GRWD1: variants seen among roughly 807,000 people sequenced by gnomAD.
The protein encoded by GRWD1 is glutamate rich WD repeat containing 1.
GRWD1 carries 29 observed loss-of-function variants against 45.3 expected under a neutral mutation model. The observed-to-expected ratio is 0.64, with a 90% CI of 0.48 to 0.87. GRWD1 has a LOEUF of 0.87. Among genes scored for constraint, GRWD1 ranks in the 40% least tolerant of loss-of-function variants. The probability of loss-of-function intolerance (pLI) is 0.00; values close to 1 mark genes in which losing one functional copy is unlikely to be tolerated. For missense variants in GRWD1, 592 were observed against 618.8 expected (o/e 0.96, Z 0.46); for synonymous variants, 262 against 257.6 (o/e 1.02, Z -0.16).
chr19:48,446,997 C>T (rs1249586398), intron 3 of GRWD1, among the ~76,000 whole-genome samples, 154 bp downstream of exon 3: 5 of 143,122 alleles, frequency 3.5e-5, no homozygotes, highest in Admixed American at 1.5e-4. Flanking sequence ...AGTGCAGTGG[C>T]GCAGCCTCGG....
At position 48,450,564 on chromosome 19, in the gene GRWD1, G is replaced by C; in HGVS notation, c.682+38G>C. 1 of 1,611,756 alleles carries C rather than the reference G, an allele frequency of 6.2e-7. No homozygotes were observed. Among genetic ancestry groups the C allele is most frequent in the African/African-American group, 1.3e-5 (1 of 74,976 alleles). The stretch of plus-strand genomic sequence containing the variant: ...GGTGTTCAGGAGTCCCGGGAGGTCG[G>C]GGGAGCAGGGTCTGCAACAAGGGGC... On this transcript the variant is annotated intron_variant, in intron 4 of 6. Coordinates refer to ENST00000253237, the MANE Select transcript of GRWD1 (RefSeq NM_031485.4). The surrounding 1 kb of genome is among the most constrained non-coding windows in gnomAD (Gnocchi z 5.1).
rs1408061609 is a variant in GRWD1 at position 48,450,988 on chromosome 19, T to G, written c.826-46T>G. ...CCCACCGCTGGCGCTTGGGCTTCAC[T>G]GCGGGCTGGGGGGCATTGGGACCAC... On this transcript the variant is annotated intron_variant, in intron 5 of 6. Transcript: ENST00000253237. This position sits in a 1 kb window ranked among gnomAD's most constrained non-coding sequence, Gnocchi z 5.1. The G allele has an allele frequency of 1.9e-6, 3 of 1,582,412 alleles. No individual in the cohort carries two copies. The highest frequency in any genetic ancestry group is 1.7e-6 in the Non-Finnish European group (2 of 1,159,252).
rs977113334 is a variant in GRWD1 at position 48,450,694 on chromosome 19, G to A, written c.711G>A (p.Lys237=). 6.2e-7 allele frequency: 1 copy of A among 1,614,018 alleles called. No homozygotes were observed. The highest frequency in any genetic ancestry group is 1.3e-5 in the African/African-American group (1 of 75,046). The change falls in exon 5 of 7, where the codon AAG becomes AAA. Residue 237 remains lysine (K), a synonymous_variant. Coordinates refer to ENST00000253237, the MANE Select transcript of GRWD1 (RefSeq NM_031485.4). The surrounding 1 kb of genome is among the most constrained non-coding windows in gnomAD (Gnocchi z 5.1). ...TGRLLTGDCQ[K]NIHLWTPTDG... is the part of the protein sequence containing the mutation. Reference sequence around the variant, plus strand: ...GCCTGCTGACCGGTGACTGTCAAAAGAACATCCACCTCTGGACACCTACGG... The same window carrying A: ...GCCTGCTGACCGGTGACTGTCAAAAAAACATCCACCTCTGGACACCTACGG...
chr19:48,450,283 C>G lies in GRWD1; in HGVS notation c.469-30C>G. The G allele has an allele frequency of 6.3e-7, 1 of 1,575,418 alleles. No individual in the cohort carries two copies. Among genetic ancestry groups the G allele is most frequent in the South Asian group, 1.1e-5 (1 of 88,650 alleles). On this transcript the variant is annotated intron_variant, in intron 3 of 6. Coordinates refer to ENST00000253237, the MANE Select transcript of GRWD1 (RefSeq NM_031485.4). This position sits in a 1 kb window ranked among gnomAD's most constrained non-coding sequence, Gnocchi z 5.1. The stretch of plus-strand genomic sequence containing the variant: ...TTGATCCTCCTCTCCCCTCGCTTCA[C>G]ATCACCCTTCCCCCACCGCTCTTCT...
At chr19:48,447,322 C>T (rs1400629850) in intron 3 of GRWD1, among the ~76,000 whole-genome samples, 1 of 152,120 alleles carries the variant, frequency 6.6e-6, no homozygotes, top group African/African-American at 2.4e-5. Flanking sequence ...TCTCAGCTCA[C>T]TGCAACCTCT....
Position 48,450,178 on chromosome 19 carries a change from GA to G in GRWD1, c.469-134del. On this transcript the variant is annotated intron_variant, in intron 3 of 6. Transcript: ENST00000253237. The surrounding 1 kb of genome is among the most constrained non-coding windows in gnomAD (Gnocchi z 5.1). ...ATTTTCTTCCCACAGAGGTTTCAAG[GA>G]GCTGTAGTCCCAGGCCTGGGAGATC... The G allele has an allele frequency of 1.5e-6, 1 of 686,466 alleles. No homozygotes were observed. Among genetic ancestry groups the G allele is most frequent in the Non-Finnish European group, 2.5e-6 (1 of 395,232 alleles). The allele number at this position is 686,466 out of a possible 1,614,324, so 42.5% of individuals were successfully genotyped here. A position where few individuals can be genotyped will look rare whatever the true frequency, so the allele number is the denominator to read the frequency against.
In GRWD1 at chr19:48,452,702, C is replaced by T. The variant is rs200688773; in HGVS notation, c.1024-6C>T. On this transcript the variant is annotated splice_polypyrimidine_tract_variant and splice_region_variant and intron_variant, in intron 6 of 6. Transcript: ENST00000253237. The surrounding 1 kb of genome is among the most constrained non-coding windows in gnomAD (Gnocchi z 5.1). Reference sequence around the variant, plus strand: ...AGAGCCCGTTCCTCCCATCCTCTCCCTCTAGTCTGGTTCCCCAGTGGCCAC... The same window carrying T: ...AGAGCCCGTTCCTCCCATCCTCTCCTTCTAGTCTGGTTCCCCAGTGGCCAC... 8.0e-5 allele frequency: 125 copies of T among 1,558,344 alleles called. No individual in the cohort carries two copies. Among genetic ancestry groups the T allele is most frequent in the Middle Eastern group, 3.5e-4 (2 of 5,796 alleles).
In GRWD1 at chr19:48,446,047, G is replaced by A. The variant is rs1249590005; in HGVS notation, c.42G>A (p.Gly14=). 3.8e-6 allele frequency: 6 copies of A among 1,597,316 alleles called. No individual in the cohort carries two copies. The highest frequency in any genetic ancestry group is 5.1e-6 in the Non-Finnish European group (6 of 1,173,484). The change falls in exon 1 of 7, where the codon GGG becomes GGA. Residue 14 remains glycine, a synonymous_variant. Coordinates refer to ENST00000253237, the MANE Select transcript of GRWD1 (RefSeq NM_031485.4). ...RKGRRRTCET[G]EPMEAESGDT... Reference sequence around the variant, plus strand: ...GTCGGCGGCGCACGTGTGAAACCGGGGAACCCATGGAAGCCGAGTCCGGCG... The same window carrying A: ...GTCGGCGGCGCACGTGTGAAACCGGAGAACCCATGGAAGCCGAGTCCGGCG...
rs1274922675 is a variant in GRWD1 at position 48,451,228 on chromosome 19, C to G, written c.1020C>G (p.Phe340Leu). Residue 340 changes from phenylalanine (F) to leucine (L), a missense_variant, in exon 6 of 7, where the codon TTC becomes TTG. By Grantham distance (22) the Phe-to-Leu change is conservative (BLOSUM62 0). Transcript: ENST00000253237. ...GALKIWDLRQ[F>L]KSGSPVATFK... is the part of the protein sequence containing the mutation. ...TCAAGATCTGGGACCTTCGGCAGTT[C>G]AAGGTATTTTCCCAGCCGGACACCT... 6.3e-7 allele frequency: 1 copy of G among 1,581,174 alleles called. No homozygotes were observed. The highest frequency in any genetic ancestry group is 1.8e-5 in the Admixed American group (1 of 55,836).
rs1248930135 is a variant in GRWD1, at chr19:48,451,079, A to T, written c.871A>T (p.Ile291Phe). Residue 291 changes from isoleucine to phenylalanine, a missense_variant, in exon 6 of 7, where the codon ATC becomes TTC. Transcript: ENST00000253237. The stretch of plus-strand genomic sequence containing the variant: ...TGACGCCTCCATCCGCATCTGGGAC[A>T]TCCGGGCAGCCCCCAGCAAGGCCTG... ...SADASIRIWD[I>F]RAAPSKACML... 8 of 1,614,102 alleles carry T rather than the reference A, an allele frequency of 5.0e-6. No homozygotes were observed. Among genetic ancestry groups the T allele is most frequent in the Non-Finnish European group, 5.9e-6 (7 of 1,180,000 alleles).
Position 48,453,848 on chromosome 19 carries a change from C to A in GRWD1, c.*823C>A, listed in dbSNP as rs1162783727. ...CTGACTTTAGAGGCTGGTGCTGTGT[C>A]GGGAGGAAGGTCAGGGCTCCTGAGC... On this transcript the variant is annotated 3_prime_UTR_variant, in exon 7 of 7. Transcript: ENST00000253237. The A allele has an allele frequency of 6.6e-6, 1 of 152,036 alleles. No homozygotes were observed. Among genetic ancestry groups the A allele is most frequent in the Non-Finnish European group, 1.5e-5 (1 of 68,038 alleles). The allele number at this position is 152,036 out of a possible 1,614,324, so 9.4% of individuals were successfully genotyped here. A position where few individuals can be genotyped will look rare whatever the true frequency, so the allele number is the denominator to read the frequency against.
At position 48,453,114 on chromosome 19, in the gene GRWD1, C is replaced by CTA; in HGVS notation, c.*90_*91insAT. ...GAAGGGGTTCATTCAGGTCTGTTGACTGAGACTGGCCGGCCTGTGGGCTGC... is the reference window on the plus strand; with the variant it reads ...GAAGGGGTTCATTCAGGTCTGTTGACTATGAGACTGGCCGGCCTGTGGGCTGC... On this transcript the variant is annotated 3_prime_UTR_variant, in exon 7 of 7. Coordinates refer to ENST00000253237, the MANE Select transcript of GRWD1 (RefSeq NM_031485.4). 1 of 1,213,498 alleles carries CTA rather than the reference C, an allele frequency of 8.2e-7. No individual in the cohort carries two copies. Among genetic ancestry groups the CTA allele is most frequent in the South Asian group, 1.5e-5 (1 of 68,062 alleles). The allele number at this position is 1,213,498 out of a possible 1,614,324, so 75.2% of individuals were successfully genotyped here. A position where few individuals can be genotyped will look rare whatever the true frequency, so the allele number is the denominator to read the frequency against.
intron 2 of GRWD1, 37 bp from the exon 3 acceptor site, chr19:48,446,644 G>A: frequency 1.9e-6 from 3 of 1,555,740 alleles, no homozygotes; most frequent in East Asian, 2.4e-5. Context: ...AAGAATCCTG[G>A]AATCTAGTGC....
In GRWD1 at chr19:48,456,545, G is replaced by C. The variant is rs1162214523; in HGVS notation, c.*3520G>C. On this transcript the variant is annotated 3_prime_UTR_variant, in exon 7 of 7. Coordinates refer to ENST00000253237, the MANE Select transcript of GRWD1 (RefSeq NM_031485.4). ...GGGAAGCAGGTGCAGGGCTTTGGGA[G>C]ACCCAGTTGGTGCCAAACTTGACAT... is the stretch of plus-strand genomic sequence containing the variant. 4 of 152,234 alleles carry C rather than the reference G, an allele frequency of 2.6e-5. No homozygotes were observed. In the East Asian group the frequency reaches 7.7e-4, roughly 29 times the overall value. The allele number at this position is 152,234 out of a possible 1,614,324, so 9.4% of individuals were successfully genotyped here.
chr19:48,446,934 C>CTTTTT lies in GRWD1; in HGVS notation c.468+107_468+111dup, dbSNP rs752488198. On this transcript the variant is annotated intron_variant, in intron 3 of 6. Coordinates refer to ENST00000253237, the MANE Select transcript of GRWD1 (RefSeq NM_031485.4). ...ATAACTCCCAACACCTCCTCATGTTCTTTTTTTTTTTTTTTTTTTTGAGAC... is the reference window on the plus strand; with the variant it reads ...ATAACTCCCAACACCTCCTCATGTTCTTTTTTTTTTTTTTTTTTTTTTTTTGAGAC... 4.3e-5 allele frequency: 26 copies of CTTTTT among 606,724 alleles called. 1 individual carries two copies. Among genetic ancestry groups the CTTTTT allele is most frequent in the South Asian group, 8.0e-5 (3 of 37,278 alleles). 37.6% of individuals were successfully genotyped at this position (606,724 alleles called of 1,614,324 possible).
At position 48,450,565 on chromosome 19, in the gene GRWD1, G is replaced by T. The variant is rs1971461141; in HGVS notation, c.682+39G>T. The T allele has an allele frequency of 6.2e-7, 1 of 1,611,704 alleles. No individual in the cohort carries two copies. Among genetic ancestry groups the T allele is most frequent in the South Asian group, 1.1e-5 (1 of 91,064 alleles). ...GTGTTCAGGAGTCCCGGGAGGTCGG[G>T]GGAGCAGGGTCTGCAACAAGGGGCC... On this transcript the variant is annotated intron_variant, in intron 4 of 6. Transcript: ENST00000253237. This position sits in a 1 kb window ranked among gnomAD's most constrained non-coding sequence, Gnocchi z 5.1.
chr19:48,453,053 C>A lies in GRWD1; in HGVS notation c.*28C>A. On this transcript the variant is annotated 3_prime_UTR_variant, in exon 7 of 7. Coordinates refer to ENST00000253237, the MANE Select transcript of GRWD1 (RefSeq NM_031485.4). ...CGTCCCACTGGCTCTGATCTTGCTT[C>A]CTGCTTGGAAACTGAAGTCGAATTG... 6.5e-7 allele frequency: 1 copy of A among 1,540,492 alleles called. No individual in the cohort carries two copies.
intron 3 of GRWD1, among the ~76,000 whole-genome samples, chr19:48,448,012 C>T (rs774636654): frequency 3.2e-4 from 48 of 152,182 alleles, no homozygotes; most frequent in South Asian, 2.1e-4. Context: ...AGTGCAGTGG[C>T]GTGATCTTGG....
rs1971528710 is a variant in GRWD1, at chr19:48,455,499, GC to G, written c.*2475del. 6.6e-6 allele frequency: 1 copy of G among 152,236 alleles called. No individual in the cohort carries two copies. The highest frequency in any genetic ancestry group is 1.5e-5 in the Non-Finnish European group (1 of 68,058). 9.4% of individuals were successfully genotyped at this position (152,236 alleles called of 1,614,324 possible). A position where few individuals can be genotyped will look rare whatever the true frequency, so the allele number is the denominator to read the frequency against. On this transcript the variant is annotated 3_prime_UTR_variant, in exon 7 of 7. Coordinates refer to ENST00000253237, the MANE Select transcript of GRWD1 (RefSeq NM_031485.4). ...CTCCTTTATATGGAAACATTAAGCTGCTCTCGCAGGTCAGGTGGAGGATCCC... is the reference window on the plus strand; with the variant it reads ...CTCCTTTATATGGAAACATTAAGCTGTCTCGCAGGTCAGGTGGAGGATCCC...
Sources: allele counts gnomAD v4.1 joint callset (sites outside exome capture counted in the v4.1 genomes callset), GRCh38; gene constraint gnomAD v4.1.1; non-coding constraint Gnocchi (gnomAD v3.1); transcripts MANE v1.5; gene names NCBI Gene and HGNC (gene_info 2026-07-23, HGNC 2026-07-21).